The following ELAVL4 variants were observed in gnomAD, a reference collection of about 807,000 sequenced individuals.
The protein encoded by ELAVL4 is ELAV-like protein 4.
A neutral mutation model predicts 35.6 loss-of-function variants in ELAVL4; 1 was observed. That is an observed-to-expected ratio of 0.03 (90% CI 0.01 to 0.13). ELAVL4 has a LOEUF of 0.13. ELAVL4 is among the 10% of genes least tolerant of loss of function. The probability of loss-of-function intolerance (pLI) is 1.00; values close to 1 mark genes in which losing one functional copy is unlikely to be tolerated. For missense variants in ELAVL4, 267 were observed against 464.9 expected, an observed-to-expected ratio of 0.57 and a Z score of 3.91; for synonymous variants, 156 against 171.0, an observed-to-expected ratio of 0.91 and a Z score of 0.69.
intron 1 of ELAVL4, among the ~76,000 whole-genome samples, chr1:50,071,799 A>G (rs1664537667): frequency 6.6e-6 from 1 of 152,082 alleles, no homozygotes; most frequent in African/African-American, 2.4e-5. Flanking sequence ...TTGGGTGTAA[A>G]ATGAGGCCCA....
Position 50,163,421 on chromosome 1 carries a change from T to C in ELAVL4, c.251-13668T>C, listed in dbSNP as rs571627086. On this transcript the variant is annotated intron_variant, in intron 2 of 6. Coordinates refer to ENST00000371824, the MANE Select transcript of ELAVL4 (RefSeq NM_001144774.3). The stretch of plus-strand genomic sequence containing the variant: ...TTTCCAAGATTGTCATTCTATGATG[T>C]ACCAGATCCAGTTTGAAAGGCACAG... Among the ~76,000 whole-genome samples, 85 of 152,336 alleles carry C rather than the reference T, an allele frequency of 5.6e-4. 1 individual carries two copies. Among genetic ancestry groups the C allele is most frequent in the African/African-American group, 1.9e-3 (78 of 41,574 alleles).
chr1:50,184,973 A>G (rs1275370458), intron 3 of ELAVL4, among the ~76,000 whole-genome samples: 2 of 152,256 alleles, frequency 1.3e-5, no homozygotes, highest in African/African-American at 4.8e-5. Context: ...ATTTAATAAA[A>G]TTCAAAGTTC....
chr1:50,072,549 A>G (rs578101734), intron 1 of ELAVL4, among the ~76,000 whole-genome samples: 34 of 152,278 alleles, frequency 2.2e-4, no homozygotes, highest in African/African-American at 8.2e-4. Context: ...TTTGGAAAAG[A>G]AAGAGCTATG....
At chr1:50,053,283 A>G (rs1456381677) in intron 1 of ELAVL4, among the ~76,000 whole-genome samples, 1 of 152,142 alleles carries the variant, frequency 6.6e-6, no homozygotes. Flanking sequence ...CCATTGACAA[A>G]CAATTGCTCA....
intron 1 of ELAVL4, among the ~76,000 whole-genome samples, chr1:50,060,704 C>G (rs1188755650): frequency 1.3e-5 from 2 of 152,228 alleles, no homozygotes; most frequent in African/African-American, 4.8e-5. Context: ...AAGTCTCAAA[C>G]AAGTCTCAGA....
intron 1 of ELAVL4, among the ~76,000 whole-genome samples, chr1:50,057,347 CTAAAGT>C (rs1240476094): frequency 1.3e-5 from 2 of 152,080 alleles, no homozygotes; most frequent in Non-Finnish European, 2.9e-5. Context: ...GTTACAGAAG[CTAAAGT>C]TAATTTATTA....
intron 1 of ELAVL4, among the ~76,000 whole-genome samples, chr1:50,054,418 A>G (rs1219315445): frequency 1.3e-5 from 2 of 152,148 alleles, no homozygotes; most frequent in African/African-American, 4.8e-5. Context: ...CACTTATTTA[A>G]TACTGAAAAT....
upstream of ELAVL4, among the ~76,000 whole-genome samples, chr1:50,102,301 A>C (rs200699824): frequency 5.8e-5 from 1 of 17,304 alleles, no homozygotes; most frequent in Non-Finnish European, 5.3e-4. Context: ...TAAAATAATA[A>C]AATAAAATAA....
intron 2 of ELAVL4, among the ~76,000 whole-genome samples, chr1:50,163,631 G>T (rs1677197834): frequency 1.3e-5 from 2 of 152,188 alleles, no homozygotes; most frequent in African/African-American, 4.8e-5. Context: ...TTCGAGACCA[G>T]CCTGGCCAAC....
rs1644445799 is a variant in ELAVL4, at chr1:50,202,980, T to G, written c.*1802T>G. 1 of 152,176 alleles carries G rather than the reference T, an allele frequency of 6.6e-6. No individual in the cohort carries two copies. The highest frequency in any genetic ancestry group is 2.4e-5 in the African/African-American group (1 of 41,454). The allele number at this position is 152,176 out of a possible 1,614,324, so 9.4% of individuals were successfully genotyped here. A position where few individuals can be genotyped will look rare whatever the true frequency, so the allele number is the denominator to read the frequency against. On this transcript the variant is annotated 3_prime_UTR_variant, in exon 7 of 7. Coordinates refer to ENST00000371824, the MANE Select transcript of ELAVL4 (RefSeq NM_001144774.3). ...TGAGGGAGCACTCTCCCACGTCCAG[T>G]GCACTGATCATTTTAGTATGTTTGT... is the stretch of plus-strand genomic sequence containing the variant.
intron 1 of ELAVL4, chr1:50,109,703 G>A: frequency 3.7e-6 from 2 of 536,988 alleles, no homozygotes; most frequent in South Asian, 2.1e-5. Context: ...CAGTCAAAAC[G>A]GCAAAGAGAG....
chr1:50,182,410 T>A (rs545571460), intron 3 of ELAVL4, among the ~76,000 whole-genome samples: 2 of 152,282 alleles, frequency 1.3e-5, no homozygotes, highest in African/African-American at 4.8e-5. Flanking sequence ...AGGAGTAGGA[T>A]TAAACAAGCG....
intron 2 of ELAVL4, among the ~76,000 whole-genome samples, chr1:50,154,901 AT>A (rs958632246): frequency 8.5e-5 from 13 of 152,052 alleles, no homozygotes; most frequent in Non-Finnish European, 1.5e-4. Flanking sequence ...ATAGCCATCA[AT>A]TTTTTTAAAA....
At chr1:50,193,595 G>C (rs1414795659) in intron 3 of ELAVL4, among the ~76,000 whole-genome samples, 170 bp from the exon 4 acceptor site, 1 of 152,008 alleles carries the variant, frequency 6.6e-6, no homozygotes, top group Non-Finnish European at 1.5e-5. Flanking sequence ...TTGTTCTCCT[G>C]GTTCTCATTA....
chr1:50,049,763 G>T (rs1663256734), intron 1 of ELAVL4, among the ~76,000 whole-genome samples: 1 of 152,196 alleles, frequency 6.6e-6, no homozygotes. Flanking sequence ...CTATACAGAG[G>T]ATTTTCCTCC....
In ELAVL4 at chr1:50,144,983, G is replaced by A. The variant is rs780343570; in HGVS notation, c.36G>A (p.Val12=). 4 of 1,613,768 alleles carry A rather than the reference G, an allele frequency of 2.5e-6. No homozygotes were observed. Among genetic ancestry groups the A allele is most frequent in the Non-Finnish European group, 3.4e-6 (4 of 1,179,902 alleles). The change falls in exon 2 of 7, where the codon GTG becomes GTA. Residue 12 remains valine, a synonymous_variant. Coordinates refer to ENST00000371824, the MANE Select transcript of ELAVL4 (RefSeq NM_001144774.3). ...TAATTAGCACCATGGAGCCTCAGGTGTCAAATGGTCCGACATCCAATACAA... is the reference window on the plus strand; with the variant it reads ...TAATTAGCACCATGGAGCCTCAGGTATCAAATGGTCCGACATCCAATACAA... ...VMIISTMEPQ[V]SNGPTSNTSN... is the part of the protein sequence containing the mutation.
chr1:50,082,243 A>G (rs1665041302), intron 1 of ELAVL4, among the ~76,000 whole-genome samples: 1 of 152,208 alleles, frequency 6.6e-6, no homozygotes, highest in Non-Finnish European at 1.5e-5. Context: ...CAGATCCTTG[A>G]GGAATTGCCA....
intron 1 of ELAVL4, among the ~76,000 whole-genome samples, chr1:50,083,616 C>G (rs1167122344): frequency 2.0e-5 from 3 of 152,064 alleles, no homozygotes; most frequent in Non-Finnish European, 4.4e-5. Context: ...GTTTTGTTGT[C>G]ATTAAACATA....
intron 2 of ELAVL4, among the ~76,000 whole-genome samples, chr1:50,154,141 A>G (rs1675308772): frequency 6.6e-6 from 1 of 152,234 alleles, no homozygotes; most frequent in South Asian, 2.1e-4. Flanking sequence ...TGTCAGTGAA[A>G]TATCTGAAGC....
Sources: gnomAD v4.1 joint callset for allele counts (sites outside exome capture counted in the v4.1 genomes callset) on GRCh38, gnomAD v4.1.1 for gene constraint, MANE v1.5 for transcripts, NCBI Gene and HGNC (gene_info 2026-07-23, HGNC 2026-07-21) for gene names.